Variants in UNC5C observed in about 807,000 individuals in gnomAD.
UNC5C encodes the protein netrin receptor UNC5C.
In UNC5C, 47 loss-of-function variants were observed where a neutral mutation model predicts 99.8. The observed-to-expected ratio is 0.47, with a 90% CI of 0.37 to 0.60. UNC5C has a LOEUF of 0.60. Ranked by LOEUF, UNC5C falls within the 20% of genes least tolerant of loss-of-function variation. The probability of loss-of-function intolerance (pLI) is 0.00; values close to 1 mark genes in which losing one functional copy is unlikely to be tolerated. For missense variants in UNC5C, 1,062 were observed against 1,165.9 expected (o/e 0.91, Z 1.30); for synonymous variants, 487 against 452.2 (o/e 1.08, Z -0.98).
intron 12 of UNC5C, among the ~76,000 whole-genome samples, chr4:95,196,324 C>G (rs1472705215): frequency 6.6e-6 from 1 of 152,086 alleles, no homozygotes; most frequent in East Asian, 1.9e-4. Flanking sequence ...TAGACTTGAC[C>G]TCTCTATTTG....
intron 1 of UNC5C, among the ~76,000 whole-genome samples, chr4:95,381,249 C>T (rs181930377): frequency 1.8e-4 from 28 of 152,244 alleles, no homozygotes; most frequent in East Asian, 1.5e-3. Context: ...AGTGCATCCA[C>T]GAGAGCCACT....
At chr4:95,182,087 G>T (rs1198135105) in intron 14 of UNC5C, among the ~76,000 whole-genome samples, 1 of 151,490 alleles carries the variant, frequency 6.6e-6, no homozygotes, top group Non-Finnish European at 1.5e-5. Context: ...TGGTGTGAAG[G>T]GTTATCAATT....
chr4:95,472,622 T>A (rs1042672762), intron 1 of UNC5C, among the ~76,000 whole-genome samples: 4 of 152,110 alleles, frequency 2.6e-5, no homozygotes, highest in Admixed American at 6.6e-5. Flanking sequence ...CTGAGCCCCA[T>A]GGTACACATA....
intron 1 of UNC5C, among the ~76,000 whole-genome samples, chr4:95,493,276 G>C (rs1721547688): frequency 6.6e-6 from 1 of 151,324 alleles, no homozygotes; most frequent in Admixed American, 6.6e-5. Context: ...GGAATTCCAG[G>C]CCAGAAATAA....
chr4:95,540,918 T>C (rs1315471819), intron 1 of UNC5C, among the ~76,000 whole-genome samples: 1 of 152,204 alleles, frequency 6.6e-6, no homozygotes, highest in East Asian at 1.9e-4. Flanking sequence ...CTGACTATCA[T>C]TTTTAGTTTC....
intron 3 of UNC5C, among the ~76,000 whole-genome samples, chr4:95,285,574 T>C (rs995821464): frequency 2.6e-5 from 4 of 152,212 alleles, no homozygotes; most frequent in African/African-American, 9.6e-5. Context: ...ACACACACTT[T>C]GGCCATAAGG....
At chr4:95,341,918 C>G (rs1455780705) in intron 1 of UNC5C, among the ~76,000 whole-genome samples, 2 of 152,010 alleles carry the variant, frequency 1.3e-5, no homozygotes, top group Admixed American at 6.6e-5. Context: ...CAGCAGAAAC[C>G]AAAATGGGGC....
At chr4:95,527,908 C>T (rs1269830676) in intron 1 of UNC5C, among the ~76,000 whole-genome samples, 1 of 152,066 alleles carries the variant, frequency 6.6e-6, no homozygotes, top group Non-Finnish European at 1.5e-5. Flanking sequence ...TTTCAACATT[C>T]CTATTCCTAA....
intron 14 of UNC5C, among the ~76,000 whole-genome samples, chr4:95,181,365 G>T (rs965761993): frequency 6.6e-6 from 1 of 152,136 alleles, no homozygotes; most frequent in African/African-American, 2.4e-5. Flanking sequence ...CCCTGGCGCG[G>T]GAGAGCACAG....
chr4:95,432,866 A>T (rs982482002), intron 1 of UNC5C, among the ~76,000 whole-genome samples: 1 of 152,254 alleles, frequency 6.6e-6, no homozygotes, highest in Non-Finnish European at 1.5e-5. Flanking sequence ...CAAGGAAAAG[A>T]GCAATCTGCT....
intron 1 of UNC5C, among the ~76,000 whole-genome samples, chr4:95,377,002 C>T (rs1342750447): frequency 6.6e-6 from 1 of 152,128 alleles, no homozygotes; most frequent in Non-Finnish European, 1.5e-5. Flanking sequence ...GCAGGCCTTA[C>T]TCTGCAGAAT....
intron 4 of UNC5C, among the ~76,000 whole-genome samples, chr4:95,262,939 C>G (rs1353463966): frequency 6.6e-6 from 1 of 152,054 alleles, no homozygotes; most frequent in Non-Finnish European, 1.5e-5. Context: ...CTCAGCCTCC[C>G]AAGTAGCTGG....
chr4:95,442,384 T>C (rs2149463950), intron 1 of UNC5C, among the ~76,000 whole-genome samples: 1 of 150,438 alleles, frequency 6.6e-6, no homozygotes, highest in Non-Finnish European at 1.5e-5. Flanking sequence ...TTTTTTTTTT[T>C]TTTTGTAGAG....
At chr4:95,467,797 A>G (rs1747833710) in intron 1 of UNC5C, among the ~76,000 whole-genome samples, 4 of 152,360 alleles carry the variant, frequency 2.6e-5, no homozygotes, top group Non-Finnish European at 2.9e-5. Context: ...AGCCTTACCA[A>G]TAACATAAAC....
intron 1 of UNC5C, among the ~76,000 whole-genome samples, chr4:95,452,917 C>A (rs1180388506): frequency 1.3e-5 from 2 of 152,172 alleles, no homozygotes; most frequent in African/African-American, 4.8e-5. Flanking sequence ...ATACTCACTA[C>A]TCTTTGTTGT....
At chr4:95,242,654 C>G in intron 6 of UNC5C, 61 bp from the exon 7 acceptor site, 1 of 1,461,044 alleles carries the variant, frequency 6.8e-7, no homozygotes, top group South Asian at 1.4e-5. Context: ...AGGGATGGAG[C>G]AGAGCTCAAA....
intron 1 of UNC5C, among the ~76,000 whole-genome samples, chr4:95,340,587 A>C (rs1274103786): frequency 2.0e-5 from 3 of 152,164 alleles, no homozygotes; most frequent in Non-Finnish European, 4.4e-5. Flanking sequence ...ATTTAAATTC[A>C]AGTCGTTGAC....
intron 7 of UNC5C, among the ~76,000 whole-genome samples, chr4:95,229,659 G>A (rs1404146198): frequency 6.6e-6 from 1 of 151,932 alleles, no homozygotes; most frequent in African/African-American, 2.4e-5. Flanking sequence ...GGGATTGTTG[G>A]GTCAAATGGT....
At chr4:95,418,150 C>T (rs941378605) in intron 1 of UNC5C, among the ~76,000 whole-genome samples, 1 of 152,202 alleles carries the variant, frequency 6.6e-6, no homozygotes, top group African/African-American at 2.4e-5. Flanking sequence ...AGGGACAATT[C>T]CTCCACTTAG....
Sources: gnomAD v4.1 joint callset for allele counts (sites outside exome capture counted in the v4.1 genomes callset) on GRCh38, gnomAD v4.1.1 for gene constraint, MANE v1.5 for transcripts, NCBI Gene and HGNC (gene_info 2026-07-23, HGNC 2026-07-21) for gene names.